TREH: variants seen among roughly 807,000 people sequenced by gnomAD.
TREH encodes trehalase, also known as alpha,alpha-trehalose glucohydrolase.
Under a neutral mutation model 80.5 loss-of-function variants are expected in TREH, and 69 were observed. The observed-to-expected ratio is 0.86, with a 90% CI of 0.71 to 1.05. The LOEUF (loss-of-function observed/expected upper bound fraction) is 1.05. Ranked by LOEUF, TREH falls within the 50% of genes least tolerant of loss-of-function variation. The pLI is 0.00. For synonymous variants in TREH, 309 were observed against 293.5 expected, an observed-to-expected ratio of 1.05 and a Z score of -0.54; for missense variants, 716 against 718.8, an observed-to-expected ratio of 1.00 and a Z score of 0.04.
In TREH at chr11:118,661,475, A is replaced by G. The variant is rs1283547827; in HGVS notation, c.652T>C (p.Tyr218His). The G allele has an allele frequency of 6.2e-7, 1 of 1,613,608 alleles. No homozygotes were observed. The highest frequency in any genetic ancestry group is 1.3e-5 in the African/African-American group (1 of 74,902). Residue 218 changes from tyrosine to histidine, a missense_variant, in exon 7 of 15, where the codon TAC (tyrosine) becomes CAC (histidine). Tyr to His is a moderately conservative substitution (Grantham distance 83). Coordinates refer to ENST00000264029, the MANE Select transcript of TREH (RefSeq NM_007180.3). This position sits in a 1 kb window ranked among gnomAD's most constrained non-coding sequence, Gnocchi z 4.2. ...GHVPNGGRVYYLQRSQPPLLT... is the reference protein window; with the variant it reads ...GHVPNGGRVYHLQRSQPPLLT... ...AGTGGGGGCTGGCTCCGCTGCAGGT[A>G]GTACACGCGCCCACCATTGGGGACA...
rs144622467 is a variant in TREH at position 118,660,842 on chromosome 11, C to G, written c.907+24G>C. The G allele has an allele frequency of 5.8e-6, 9 of 1,559,926 alleles. No individual in the cohort carries two copies. The East Asian group carries it at 7.2e-5, about 12-fold the overall frequency. Reference sequence around the variant, plus strand: ...GTGTGCAGCTGCCCTGCCCCCAGCCCTCCCTCACCCTCCTGCTGCTCACCT... The same window carrying G: ...GTGTGCAGCTGCCCTGCCCCCAGCCGTCCCTCACCCTCCTGCTGCTCACCT... On this transcript the variant is annotated intron_variant, in intron 9 of 14. Coordinates refer to ENST00000264029, the MANE Select transcript of TREH (RefSeq NM_007180.3).
intron 11 of TREH, 51 bp downstream of exon 11, chr11:118,659,696 G>T (rs1949290184): frequency 3.9e-6 from 6 of 1,544,170 alleles, no homozygotes; most frequent in Non-Finnish European, 3.5e-6. Flanking sequence ...TCAGGGTCGG[G>T]AGGGGGCGGT....
intron 12 of TREH, 112 bp downstream of exon 12, chr11:118,659,258 G>A: frequency 1.0e-6 from 1 of 964,048 alleles, no homozygotes; most frequent in Non-Finnish European, 1.5e-6. Context: ...AGAGGAGCGA[G>A]AGAAAGGATA....
In TREH at chr11:118,666,036, G is replaced by C. The variant is rs572823038; in HGVS notation, c.90-2597C>G. On this transcript the variant is annotated intron_variant, in intron 1 of 14. Coordinates refer to ENST00000264029, the MANE Select transcript of TREH (RefSeq NM_007180.3). ...GTGGATCAGGAGGTCAGGAGATCAA[G>C]ACCATCCTGGCCAACATGGCAACAC... Among the ~76,000 whole-genome samples the C allele has an allele frequency of 3.9e-5, 6 of 152,306 alleles. No homozygotes were observed. In the East Asian group the frequency reaches 1.2e-3, roughly 29 times the overall value.
chr11:118,662,106 T>C (rs1312846050), intron 4 of TREH, 116 bp from the exon 5 acceptor site: 2 of 787,300 alleles, frequency 2.5e-6, no homozygotes, highest in Non-Finnish European at 2.1e-6. Context: ...GCAGTTGGGT[T>C]CAGCGCTGGC....
chr11:118,670,005 A>T (rs1478809934), intron 1 of TREH, among the ~76,000 whole-genome samples: 3 of 151,504 alleles, frequency 2.0e-5, no homozygotes, highest in African/African-American at 4.9e-5. Flanking sequence ...TCCAAAAATT[A>T]AAAAAAAAGA....
At chr11:118,676,889 C>T (rs782287850) in intron 1 of TREH, among the ~76,000 whole-genome samples, 2 of 152,110 alleles carry the variant, frequency 1.3e-5, no homozygotes, top group Non-Finnish European at 2.9e-5. Context: ...TTTGGAGGAA[C>T]CCAAGACAAA....
At position 118,661,538 on chromosome 11, in the gene TREH, C is replaced by A. The variant is rs1555144977; in HGVS notation, c.618-29G>T. The A allele has an allele frequency of 6.2e-7, 1 of 1,612,386 alleles. No homozygotes were observed. Among genetic ancestry groups the A allele is most frequent in the African/African-American group, 1.3e-5 (1 of 75,024 alleles). On this transcript the variant is annotated intron_variant, in intron 6 of 14. Transcript: ENST00000264029. The surrounding 1 kb of genome is among the most constrained non-coding windows in gnomAD (Gnocchi z 4.2). ...CCAAGGGGAAGGCCTGCTGAGATGC[C>A]CTCTCCCCAGCAACTGGCACCAAGG...
intron 1 of TREH, among the ~76,000 whole-genome samples, chr11:118,675,325 G>C (rs79425174): frequency 0.011 from 1,603 of 152,294 alleles, 26 homozygotes; most frequent in African/African-American, 0.035. Flanking sequence ...TCGGGAGTTA[G>C]TGCAGAATCC....
chr11:118,673,796 CA>C (rs1949451996), intron 1 of TREH, among the ~76,000 whole-genome samples: 1 of 152,328 alleles, frequency 6.6e-6, no homozygotes, highest in South Asian at 2.1e-4. Flanking sequence ...AAACAGTATG[CA>C]ATTCAACCCA....
chr11:118,675,636 T>C (rs531976322), intron 1 of TREH, among the ~76,000 whole-genome samples: 1 of 152,302 alleles, frequency 6.6e-6, no homozygotes, highest in Admixed American at 6.5e-5. Flanking sequence ...CCTTTCCCCA[T>C]GGAACCAGGA....
intron 1 of TREH, among the ~76,000 whole-genome samples, chr11:118,666,008 C>T (rs1217051826): frequency 2.6e-5 from 4 of 152,252 alleles, no homozygotes; most frequent in South Asian, 2.1e-4. Context: ...AAGGCCAAGG[C>T]GGGTGGATCA....
chr11:118,675,492 C>T (rs1555146724), intron 1 of TREH, among the ~76,000 whole-genome samples: 2 of 152,148 alleles, frequency 1.3e-5, no homozygotes, highest in African/African-American at 2.4e-5. Context: ...GCTAGAACAA[C>T]TCACAGGACT....
chr11:118,664,191 C>T (rs1193419174), intron 1 of TREH, among the ~76,000 whole-genome samples: 1 of 152,172 alleles, frequency 6.6e-6, no homozygotes, highest in African/African-American at 2.4e-5. Flanking sequence ...ATAGAAGGGG[C>T]CCTATGAACA....
At position 118,658,341 on chromosome 11, in the gene TREH, C is replaced by G. The variant is rs782820709; in HGVS notation, c.1700G>C (p.Cys567Ser). The G allele has an allele frequency of 6.3e-7, 1 of 1,598,476 alleles. No homozygotes were observed. Among genetic ancestry groups the G allele is most frequent in the Non-Finnish European group, 8.5e-7 (1 of 1,173,376 alleles). Residue 567 changes from cysteine to serine, a missense_variant, in exon 15 of 15, where the codon TGC (cysteine) becomes TCC (serine). Cys to Ser is a moderately radical substitution (Grantham distance 112, BLOSUM62 -1). Coordinates refer to ENST00000264029, the MANE Select transcript of TREH (RefSeq NM_007180.3). ...GCTGGGCAGAAGGGTGGCCGCCAGG[C>G]AGTGGGGCTCCAGGAAAGCCAGCTT... ...GAKLAFLEPHCLAATLLPSLL... is the reference protein window; with the variant it reads ...GAKLAFLEPHSLAATLLPSLL...
chr11:118,670,858 T>C (rs949592772), intron 1 of TREH, among the ~76,000 whole-genome samples: 5 of 152,234 alleles, frequency 3.3e-5, no homozygotes, highest in African/African-American at 1.2e-4. Context: ...TCTTTTTCTC[T>C]GATCTTCTTT....
intron 1 of TREH, among the ~76,000 whole-genome samples, chr11:118,676,623 C>T (rs1173681381): frequency 1.4e-4 from 22 of 151,982 alleles, no homozygotes; most frequent in African/African-American, 5.1e-4. Context: ...AAAAATTAGC[C>T]AGGCGTGGTG....
rs1949237087 is a variant in TREH, at chr11:118,658,324, G to A, written c.1717C>T (p.Leu573=). 1 of 1,592,006 alleles carries A rather than the reference G, an allele frequency of 6.3e-7. No homozygotes were observed. Among genetic ancestry groups the A allele is most frequent in the Non-Finnish European group, 8.5e-7 (1 of 1,170,252 alleles). The change falls in exon 15 of 15, where the codon CTG becomes TTG. Residue 573 remains leucine (L), a synonymous_variant. Coordinates refer to ENST00000264029, the MANE Select transcript of TREH (RefSeq NM_007180.3). Reference sequence around the variant, plus strand: ...AGGAGGCTGAGCAGGAGGCTGGGCAGAAGGGTGGCCGCCAGGCAGTGGGGC... The same window carrying A: ...AGGAGGCTGAGCAGGAGGCTGGGCAAAAGGGTGGCCGCCAGGCAGTGGGGC... The part of the protein sequence containing the change: ...LEPHCLAATL[L]PSLLLSLLPW
chr11:118,659,228 C>T lies in TREH; in HGVS notation c.1432+142G>A, dbSNP rs80253351. 3,330 of 844,768 alleles carry T rather than the reference C, an allele frequency of 3.9e-3. 83 individuals carry two copies. In the African/African-American group the frequency reaches 0.047, roughly 12 times the overall value. 52.3% of individuals were successfully genotyped at this position (844,768 alleles called of 1,614,324 possible). On this transcript the variant is annotated intron_variant, in intron 12 of 14. Coordinates refer to ENST00000264029, the MANE Select transcript of TREH (RefSeq NM_007180.3). ...GGACAGGCTGGGTGGACATAAGTGT[C>T]AAGTGGAGGCCAGGAGAGCAGAGGA...
Sources: gnomAD v4.1 joint callset for allele counts (sites outside exome capture counted in the v4.1 genomes callset) on GRCh38, gnomAD v4.1.1 for gene constraint, Gnocchi (gnomAD v3.1) non-coding constraint, MANE v1.5 for transcripts, NCBI Gene and HGNC (gene_info 2026-07-23, HGNC 2026-07-21) for gene names.